DOP1B: variants seen among roughly 807,000 people sequenced by gnomAD.
DOP1B encodes DOP1 leucine zipper like protein B, also known as protein DOP1B.
A neutral mutation model predicts 233.5 loss-of-function variants in DOP1B; 174 were observed. The ratio of observed to expected loss-of-function variants is 0.75; its 90% CI spans 0.66 to 0.85. The LOEUF (loss-of-function observed/expected upper bound fraction) is 0.85. Ranked by LOEUF, DOP1B falls within the 40% of genes least tolerant of loss-of-function variation. DOP1B has a pLI of 0.00. For missense variants in DOP1B, 2,652 were observed against 2,846.6 expected (o/e 0.93, Z 1.56); for synonymous variants, 1,190 against 1,185.6 (o/e 1.00, Z -0.08).
chr21:36,157,273 G>A (rs538593730), intron 1 of DOP1B, among the ~76,000 whole-genome samples: 82 of 152,228 alleles, frequency 5.4e-4, no homozygotes, highest in Non-Finnish European at 9.9e-4. Flanking sequence ...GGCAGGTGCA[G>A]GTCCAGGGGT....
chr21:36,245,807 A>G lies in DOP1B; in HGVS notation c.3827A>G (p.Asn1276Ser), dbSNP rs2066953505. The G allele has an allele frequency of 6.2e-7, 1 of 1,613,644 alleles. No homozygotes were observed. The highest frequency in any genetic ancestry group is 8.5e-7 in the Non-Finnish European group (1 of 1,179,906). The change falls in exon 19 of 37, where the codon AAC (asparagine) becomes AGC (serine). Residue 1276 changes from asparagine to serine, a missense_variant. Asn to Ser is a conservative substitution (Grantham distance 46, BLOSUM62 1). Around this residue, in one of 3 missense-constraint regions of DOP1B, gnomAD observed 2,617 missense variants for 2,794.3 expected, o/e 0.94. Coordinates refer to ENST00000691173, the MANE Select transcript of DOP1B (RefSeq NM_001320714.2). The surrounding 1 kb of genome is among the most constrained non-coding windows in gnomAD (Gnocchi z 5.5). Reference sequence around the variant, plus strand: ...GATACCAGCTCCACCGCGCACCTCAACCTCATCTCCAACCTCCTCGCTCGC... The same window carrying G: ...GATACCAGCTCCACCGCGCACCTCAGCCTCATCTCCAACCTCCTCGCTCGC... Reference protein sequence around the residue: ...SMDTSSTAHLNLISNLLARHQ... With the variant: ...SMDTSSTAHLSLISNLLARHQ...
intron 9 of DOP1B, among the ~76,000 whole-genome samples, chr21:36,217,295 A>G (rs570772867): frequency 6.6e-6 from 1 of 152,324 alleles, no homozygotes; most frequent in African/African-American, 2.4e-5. Context: ...GTTCATTAAT[A>G]ATAACCATGG....
intron 28 of DOP1B, among the ~76,000 whole-genome samples, chr21:36,277,481 C>G (rs1473166596): frequency 3.3e-5 from 5 of 151,914 alleles, no homozygotes; most frequent in Non-Finnish European, 5.9e-5. Flanking sequence ...CGGGGTTTCA[C>G]TGTGTTGGCC....
rs1360658730 is a variant in DOP1B at position 36,270,126 on chromosome 21, A to C, written c.5601A>C (p.Leu1867=). The C allele has an allele frequency of 6.2e-7, 1 of 1,614,164 alleles. No homozygotes were observed. Among genetic ancestry groups the C allele is most frequent in the Non-Finnish European group, 8.5e-7 (1 of 1,180,020 alleles). Residue 1867 remains leucine, a synonymous_variant, in exon 27 of 37, where the codon CTA becomes CTC. Coordinates refer to ENST00000691173, the MANE Select transcript of DOP1B (RefSeq NM_001320714.2). ...LEVKAQPQAS[L]EESDAEEDLY... Reference sequence around the variant, plus strand: ...TGAAGGCCCAACCTCAGGCCTCTCTAGAAGAATCTGATGCTGAGGAGGACC... The same window carrying C: ...TGAAGGCCCAACCTCAGGCCTCTCTCGAAGAATCTGATGCTGAGGAGGACC...
At chr21:36,282,236 C>T (rs888671752) in intron 32 of DOP1B, among the ~76,000 whole-genome samples, 3 of 152,042 alleles carry the variant, frequency 2.0e-5, no homozygotes, top group South Asian at 2.1e-4. Context: ...GCCTGACCAA[C>T]GTGGTGAAAC....
intron 2 of DOP1B, among the ~76,000 whole-genome samples, chr21:36,179,989 A>G (rs7278506): frequency 0.21 from 32,160 of 152,104 alleles, 3,444 homozygotes; most frequent in African/African-American, 0.26. Flanking sequence ...CTGCCTGCAC[A>G]GATGCCAGAG....
intron 4 of DOP1B, among the ~76,000 whole-genome samples, chr21:36,207,279 G>A (rs1041829709): frequency 6.6e-6 from 1 of 151,710 alleles, no homozygotes; most frequent in African/African-American, 2.4e-5. Flanking sequence ...CCGCCTCCCG[G>A]CTTCAAGCAA....
Position 36,239,580 on chromosome 21 carries a change from G to A in DOP1B, c.2877-185G>A, listed in dbSNP as rs575711893. Among the ~76,000 whole-genome samples, 27 of 152,298 alleles carry A rather than the reference G, an allele frequency of 1.8e-4. No homozygotes were observed. The South Asian group carries it at 5.4e-3, about 30-fold the overall frequency. The stretch of plus-strand genomic sequence containing the variant: ...CATTGGGATTTTAAATGCTCCCACT[G>A]GTGATTCCAACGCGAAACCAAAGTT... On this transcript the variant is annotated intron_variant, in intron 17 of 36. Transcript: ENST00000691173.
chr21:36,201,648 C>T (rs2066368902), intron 4 of DOP1B, among the ~76,000 whole-genome samples: 1 of 152,026 alleles, frequency 6.6e-6, no homozygotes, highest in Admixed American at 6.6e-5. Flanking sequence ...ACACACGGCT[C>T]ATATCAGATT....
chr21:36,259,460 A>T (rs113940558), intron 23 of DOP1B, among the ~76,000 whole-genome samples: 19,163 of 151,472 alleles, frequency 0.13, 1,851 homozygotes, highest in East Asian at 0.32. Flanking sequence ...TTTAGTAGAG[A>T]TGGGGTTTTG....
At chr21:36,202,720 T>C (rs1268160783) in intron 4 of DOP1B, among the ~76,000 whole-genome samples, 1 of 152,184 alleles carries the variant, frequency 6.6e-6, no homozygotes, top group Non-Finnish European at 1.5e-5. Flanking sequence ...AGAATCCACC[T>C]TTACAGTTTC....
intron 7 of DOP1B, among the ~76,000 whole-genome samples, chr21:36,213,102 T>TA (rs1475962342): frequency 6.6e-6 from 1 of 152,226 alleles, no homozygotes; most frequent in African/African-American, 2.4e-5. Flanking sequence ...TCAAAGATCT[T>TA]ACCAAAGTCA....
At chr21:36,232,275 G>A (rs2123552785) in intron 14 of DOP1B, among the ~76,000 whole-genome samples, 1 of 152,272 alleles carries the variant, frequency 6.6e-6, no homozygotes, top group Middle Eastern at 3.4e-3. Context: ...GAGCCACCGT[G>A]CCTGGCCAAT....
chr21:36,160,700 ACT>A (rs1337116504), intron 1 of DOP1B, among the ~76,000 whole-genome samples: 2 of 151,790 alleles, frequency 1.3e-5, no homozygotes, highest in East Asian at 3.9e-4. Context: ...CTGGTCACGA[ACT>A]CCTGATGTCA....
intron 24 of DOP1B, chr21:36,261,635 G>A (rs8133181): frequency 1.2e-4 from 118 of 985,038 alleles, no homozygotes; most frequent in Non-Finnish European, 1.3e-4. Flanking sequence ...GGCTGGGTGC[G>A]GTGGCTCAAC....
intron 24 of DOP1B, among the ~76,000 whole-genome samples, chr21:36,262,837 G>T (rs950727650): frequency 6.6e-6 from 1 of 151,944 alleles, no homozygotes; most frequent in Non-Finnish European, 1.5e-5. Context: ...GTTGCAGTGA[G>T]CTCAGATCGT....
chr21:36,262,904 AAAATAAAT>A (rs566753087), intron 24 of DOP1B, among the ~76,000 whole-genome samples: 1 of 143,784 alleles, frequency 7.0e-6, no homozygotes, highest in African/African-American at 2.5e-5. Context: ...AAACAATAAT[AAAATAAAT>A]AAATAAATAA....
At chr21:36,249,328 C>T (rs2067007058) in intron 21 of DOP1B, among the ~76,000 whole-genome samples, 1 of 151,998 alleles carries the variant, frequency 6.6e-6, no homozygotes, top group African/African-American at 2.4e-5. Context: ...CTCAGGAGGC[C>T]GAGGCAAGAG....
intron 2 of DOP1B, among the ~76,000 whole-genome samples, chr21:36,172,210 G>A (rs1011781985): frequency 1.3e-5 from 2 of 152,094 alleles, no homozygotes; most frequent in African/African-American, 4.8e-5. Context: ...GGAAGCCACT[G>A]AGCTTCCTCC....
Sources: gnomAD v4.1 joint callset for allele counts (sites outside exome capture counted in the v4.1 genomes callset) on GRCh38, gnomAD v4.1.1 for gene constraint, gnomAD v4.1.1 regional missense constraint, Gnocchi (gnomAD v3.1) non-coding constraint, MANE v1.5 for transcripts, NCBI Gene and HGNC (gene_info 2026-07-23, HGNC 2026-07-21) for gene names.